DNAI3: variants seen among roughly 807,000 people sequenced by gnomAD.
DNAI3 encodes the protein dynein axonemal intermediate chain 3, also known as WD repeat domain 63.
Under a neutral mutation model 115.5 loss-of-function variants are expected in DNAI3, and 83 were observed. The ratio of observed to expected loss-of-function variants is 0.72; its 90% CI spans 0.60 to 0.86. The LOEUF is 0.86. Among genes scored for constraint, DNAI3 ranks in the 40% least tolerant of loss-of-function variants. DNAI3 has a pLI of 0.00. For missense variants in DNAI3, 1,004 were observed against 1,075.8 expected (o/e 0.93, Z 0.93); for synonymous variants, 320 against 347.0 (o/e 0.92, Z 0.86).
At chr1:85,107,568 CTGG>C (rs1390068212) in intron 14 of DNAI3, among the ~76,000 whole-genome samples, 11 of 152,086 alleles carry the variant, frequency 7.2e-5, no homozygotes, top group African/African-American at 2.7e-4. Context: ...TTGTCTAGGG[CTGG>C]TGGGATGGCT....
At chr1:85,110,850 T>C (rs1557721997) in intron 16 of DNAI3, among the ~76,000 whole-genome samples, 1 of 152,178 alleles carries the variant, frequency 6.6e-6, no homozygotes, top group Non-Finnish European at 1.5e-5. Context: ...TCAATTAGAA[T>C]ATAATTTTTA....
At chr1:85,125,415 A>G (rs185589476) in intron 19 of DNAI3, among the ~76,000 whole-genome samples, 179 of 152,184 alleles carry the variant, frequency 1.2e-3, no homozygotes, top group African/African-American at 3.4e-3. Context: ...CCACTTCTGA[A>G]ACTCTAACAT....
At chr1:85,101,601 G>A (rs537485368) in intron 13 of DNAI3, among the ~76,000 whole-genome samples, 5 of 151,594 alleles carry the variant, frequency 3.3e-5, no homozygotes, top group African/African-American at 1.2e-4. Flanking sequence ...GGTGGCGGGC[G>A]CCTGTAGTCC....
At chr1:85,104,266 G>A (rs1398433997) in intron 13 of DNAI3, among the ~76,000 whole-genome samples, 3 of 151,850 alleles carry the variant, frequency 2.0e-5, no homozygotes, top group East Asian at 1.9e-4. Flanking sequence ...GACTACAGGC[G>A]CCCACCACCA....
In DNAI3 at chr1:85,062,347, C is replaced by T. The variant is rs539786065; in HGVS notation, c.-154C>T. On this transcript the variant is annotated 5_prime_UTR_variant, in exon 1 of 23. Transcript: ENST00000294664. ...GCGACAGATGCGTCCTGGCAACAGT[C>T]GGCAGAGTTGCTGCGGTTTGTGCCC... 1 of 152,284 alleles carries T rather than the reference C, an allele frequency of 6.6e-6. No homozygotes were observed. Among genetic ancestry groups the T allele is most frequent in the East Asian group, 1.9e-4 (1 of 5,176 alleles). 9.4% of individuals were successfully genotyped at this position (152,284 alleles called of 1,614,324 possible).
chr1:85,109,145 C>T (rs1038148828), intron 15 of DNAI3, among the ~76,000 whole-genome samples: 4 of 152,144 alleles, frequency 2.6e-5, no homozygotes, highest in Non-Finnish European at 4.4e-5. Context: ...TCTCACATAG[C>T]AGAGCTTGAA....
intron 3 of DNAI3, among the ~76,000 whole-genome samples, chr1:85,076,211 TCC>T (rs1324303507): frequency 1.3e-5 from 2 of 152,144 alleles, no homozygotes; most frequent in East Asian, 3.9e-4. Context: ...TTGACTTTGA[TCC>T]TCCTGTCACC....
Position 85,084,688 on chromosome 1 carries a change from C to T in DNAI3, c.533C>T (p.Thr178Ile). 1 of 1,519,670 alleles carries T rather than the reference C, an allele frequency of 6.6e-7. No homozygotes were observed. The highest frequency in any genetic ancestry group is 8.8e-7 in the Non-Finnish European group (1 of 1,132,514). The allele number at this position is 1,519,670 out of a possible 1,614,324, so 94.1% of individuals were successfully genotyped here. A position where few individuals can be genotyped will look rare whatever the true frequency, so the allele number is the denominator to read the frequency against. ...GAGGAAGAATCAGTTACGGAATCTA[C>T]AAAGCAGGTTAGAGGGTTATATATG... ...EIEEESVTESTKQITYMISRK... is the reference protein window; with the variant it reads ...EIEEESVTESIKQITYMISRK... The change falls in exon 6 of 23, where the codon ACA (threonine) becomes ATA (isoleucine). Residue 178 changes from threonine (T) to isoleucine (I), a missense_variant. Coordinates refer to ENST00000294664, the MANE Select transcript of DNAI3 (RefSeq NM_145172.5).
At chr1:85,097,768 A>G in intron 12 of DNAI3, 113 bp downstream of exon 12, 1 of 921,060 alleles carries the variant, frequency 1.1e-6, no homozygotes, top group Non-Finnish European at 1.6e-6. Flanking sequence ...AAGGAAAAAA[A>G]AAAAGAATGT....
In DNAI3 at chr1:85,108,033, C is replaced by T. The variant is rs550949105; in HGVS notation, c.1554C>T (p.Cys518=). The T allele has an allele frequency of 3.2e-6, 5 of 1,543,468 alleles. No homozygotes were observed. In the African/African-American group the frequency reaches 5.6e-5, roughly 17 times the overall value. The change falls in exon 15 of 23, where the codon TGC becomes TGT. Residue 518 remains cysteine, a splice_region_variant and synonymous_variant. Coordinates refer to ENST00000294664, the MANE Select transcript of DNAI3 (RefSeq NM_145172.5). ...AAAAATATATATAAATTTTTTTTAG[C>T]ACAATATGTTTTTGGGATATTAGAC... ...CCQLVTCSAD[C]TICFWDIRPQ...
At chr1:85,096,165 C>T (rs1204793713) in intron 11 of DNAI3, 145 bp downstream of exon 11, 2 of 706,116 alleles carry the variant, frequency 2.8e-6, no homozygotes, top group African/African-American at 3.5e-5. Context: ...CACCAGGAAG[C>T]AGGGTATAGA....
chr1:85,067,934 C>T (rs1358330675), intron 1 of DNAI3, among the ~76,000 whole-genome samples: 1 of 152,144 alleles, frequency 6.6e-6, no homozygotes, highest in East Asian at 1.9e-4. Flanking sequence ...AACTACAAAG[C>T]TGTAAGATAA....
In DNAI3 at chr1:85,072,596, C is replaced by T. The variant is rs531129174; in HGVS notation, c.65-458C>T. 1.5e-4 allele frequency among the ~76,000 whole-genome samples: 22 copies of T among 147,402 alleles called. No homozygotes were observed. In the South Asian group the frequency reaches 2.6e-3, roughly 17 times the overall value. ...GGCAGAGGTTGCAATGAGCAGAGAT[C>T]GCGCCACTGCACTCCAGCCTGGGCA... On this transcript the variant is annotated intron_variant, in intron 2 of 22. Transcript: ENST00000294664.
chr1:85,095,955 ATCT>A lies in DNAI3; in HGVS notation c.1202_1204del (p.Phe401del). On this transcript the variant is annotated inframe_deletion, in exon 11 of 23. Coordinates refer to ENST00000294664, the MANE Select transcript of DNAI3 (RefSeq NM_145172.5). ...GTTAATGCTGGAGAGCCCAGATGACATCTTCTGCTTCAAGTTCTGTCCGAGTGA... is the reference window on the plus strand; with the variant it reads ...GTTAATGCTGGAGAGCCCAGATGACATCTGCTTCAAGTTCTGTCCGAGTGA... 2.5e-6 allele frequency: 4 copies of A among 1,613,984 alleles called. No individual in the cohort carries two copies. Among genetic ancestry groups the A allele is most frequent in the Non-Finnish European group, 3.4e-6 (4 of 1,179,900 alleles).
chr1:85,128,870 G>A, intron 21 of DNAI3, 71 bp downstream of exon 21: 1 of 1,408,202 alleles, frequency 7.1e-7, no homozygotes, highest in Non-Finnish European at 9.9e-7. Flanking sequence ...TTAAAAAAAT[G>A]TTAGAAATGA....
intron 18 of DNAI3, among the ~76,000 whole-genome samples, chr1:85,122,333 G>C (rs78967622): frequency 0.052 from 7,925 of 152,080 alleles, 271 homozygotes; most frequent in East Asian, 0.15. Context: ...TATGTCTGCT[G>C]CTCCCAGGAC....
rs780490360 is a variant in DNAI3 at position 85,104,138 on chromosome 1, T to TGGGG, written c.1480-383_1480-382insGGGG. On this transcript the variant is annotated intron_variant, in intron 13 of 22. Transcript: ENST00000294664. ...GTATGTCCTTTTTTTTTTTTTTTTT[T>TGGGG]GGGCTGGAGTCTCGCTCTGTCGCCC... is the stretch of plus-strand genomic sequence containing the variant. Among the ~76,000 whole-genome samples, 832 of 142,518 alleles carry TGGGG rather than the reference T, an allele frequency of 5.8e-3. 10 individuals carry two copies. The highest frequency in any genetic ancestry group is 0.019 in the African/African-American group (762 of 39,176). 93.5% of individuals were successfully genotyped at this position (142,518 alleles called of 152,430 possible).
intron 22 of DNAI3, 31 bp from the exon 23 acceptor site, chr1:85,132,824 T>C (rs1453340536): frequency 6.5e-7 from 1 of 1,548,888 alleles, no homozygotes; most frequent in African/African-American, 1.8e-5. Flanking sequence ...CAGTGTTTTA[T>C]AGGGATGTCT....
intron 3 of DNAI3, among the ~76,000 whole-genome samples, chr1:85,075,034 AT>A (rs2100559608): frequency 6.6e-6 from 1 of 152,102 alleles, no homozygotes. Flanking sequence ...CACAATTTGT[AT>A]TTACTTATTT....
Sources: gnomAD v4.1 joint callset for allele counts (sites outside exome capture counted in the v4.1 genomes callset) on GRCh38, gnomAD v4.1.1 for gene constraint, MANE v1.5 for transcripts, NCBI Gene and HGNC (gene_info 2026-07-23, HGNC 2026-07-21) for gene names.